LHFPL6: variants seen among roughly 807,000 people sequenced by gnomAD.
LHFPL6 encodes the protein LHFPL tetraspan subfamily member 6 protein.
A neutral mutation model predicts 20.6 loss-of-function variants in LHFPL6; 9 were observed. The ratio of observed to expected loss-of-function variants is 0.44; its 90% CI spans 0.26 to 0.76. The LOEUF is 0.76. LHFPL6 is among the 30% of genes least tolerant of loss of function. LHFPL6 has a pLI of 0.20. For synonymous variants in LHFPL6, 105 were observed against 98.7 expected (o/e 1.06, Z -0.38); for missense variants, 218 against 253.5 (o/e 0.86, Z 0.95).
chr13:39,533,695 T>A (rs576741311), intron 2 of LHFPL6, among the ~76,000 whole-genome samples: 1 of 152,292 alleles, frequency 6.6e-6, no homozygotes, highest in African/African-American at 2.4e-5. Flanking sequence ...CTAGTGTGCT[T>A]TCAGAAGGAC....
At chr13:39,479,195 CTA>C (rs760104243) in intron 2 of LHFPL6, among the ~76,000 whole-genome samples, 38 of 151,956 alleles carry the variant, frequency 2.5e-4, no homozygotes, top group Non-Finnish European at 3.8e-4. Context: ...AGCACTCTGA[CTA>C]ATACACTAGG....
At chr13:39,451,736 T>C (rs566576051) in intron 2 of LHFPL6, among the ~76,000 whole-genome samples, 21 of 152,340 alleles carry the variant, frequency 1.4e-4, no homozygotes, top group South Asian at 6.2e-4. Context: ...ATAAAGTAGG[T>C]TGAGCCAAAT....
intron 2 of LHFPL6, among the ~76,000 whole-genome samples, chr13:39,560,758 G>A (rs1317615819): frequency 2.6e-5 from 4 of 151,890 alleles, no homozygotes; most frequent in South Asian, 4.2e-4. Context: ...CTCATGATCC[G>A]CCCACCTCGG....
intron 2 of LHFPL6, among the ~76,000 whole-genome samples, chr13:39,517,261 A>G (rs1395163679): frequency 6.6e-6 from 1 of 152,228 alleles, no homozygotes; most frequent in Non-Finnish European, 1.5e-5. Context: ...TGAAGTACAA[A>G]GAGGATAAAT....
intron 2 of LHFPL6, among the ~76,000 whole-genome samples, chr13:39,406,558 A>G (rs1871115624): frequency 6.6e-6 from 1 of 152,210 alleles, no homozygotes; most frequent in East Asian, 1.9e-4. Context: ...GCAACAAATT[A>G]AAGTACAAAC....
At chr13:39,478,514 T>C (rs902344237) in intron 2 of LHFPL6, among the ~76,000 whole-genome samples, 1 of 152,142 alleles carries the variant, frequency 6.6e-6, no homozygotes, top group Non-Finnish European at 1.5e-5. Flanking sequence ...GATGGCTAAT[T>C]TTTTGTGTCA....
chr13:39,563,531 G>A (rs1475734501), intron 2 of LHFPL6, among the ~76,000 whole-genome samples: 1 of 152,088 alleles, frequency 6.6e-6, no homozygotes, highest in Non-Finnish European at 1.5e-5. Flanking sequence ...ATTCTTAGAG[G>A]GTAAAAGCTC....
chr13:39,415,722 T>C (rs1243081571), intron 2 of LHFPL6, among the ~76,000 whole-genome samples: 1 of 152,122 alleles, frequency 6.6e-6, no homozygotes, highest in Non-Finnish European at 1.5e-5. Flanking sequence ...GAAGGATTAA[T>C]AAATGCATAA....
At chr13:39,505,849 A>G (rs1869459067) in intron 2 of LHFPL6, among the ~76,000 whole-genome samples, 1 of 152,192 alleles carries the variant, frequency 6.6e-6, no homozygotes, top group Admixed American at 6.5e-5. Context: ...CATTTTCTAA[A>G]TGACATTTTG....
chr13:39,468,000 C>CA (rs1872846476), intron 2 of LHFPL6, among the ~76,000 whole-genome samples: 1 of 152,102 alleles, frequency 6.6e-6, no homozygotes, highest in Admixed American at 6.6e-5. Context: ...AGGGAAGCTT[C>CA]AAAAAACAGA....
At chr13:39,574,672 A>G (rs1872053971) in intron 2 of LHFPL6, among the ~76,000 whole-genome samples, 2 of 152,168 alleles carry the variant, frequency 1.3e-5, no homozygotes, top group South Asian at 4.1e-4. Flanking sequence ...ATGATGACAT[A>G]CTGAGATTTC....
intron 2 of LHFPL6, among the ~76,000 whole-genome samples, chr13:39,409,883 A>G (rs1871208766): frequency 6.6e-6 from 1 of 152,208 alleles, no homozygotes; most frequent in Non-Finnish European, 1.5e-5. Flanking sequence ...AAAAAGAATA[A>G]TTCAATAGCA....
Position 39,601,247 on chromosome 13 carries a change from A to G in LHFPL6, c.-31T>C, listed in dbSNP as rs376984179. 6.3e-7 allele frequency: 1 copy of G among 1,578,178 alleles called. No homozygotes were observed. The highest frequency in any genetic ancestry group is 1.3e-5 in the African/African-American group (1 of 74,144). On this transcript the variant is annotated 5_prime_UTR_variant, in exon 2 of 4. Transcript: ENST00000379589. ...ACCAGATAGGGCAATGAGGACCCCAAGTAAGTGTTCAGGGACTGCAGGAGT... is the reference window on the plus strand; with the variant it reads ...ACCAGATAGGGCAATGAGGACCCCAGGTAAGTGTTCAGGGACTGCAGGAGT...
chr13:39,518,348 A>T (rs1566131028), intron 2 of LHFPL6, among the ~76,000 whole-genome samples: 4 of 152,214 alleles, frequency 2.6e-5, no homozygotes, highest in Non-Finnish European at 4.4e-5. Flanking sequence ...GGAAAATATA[A>T]GAGGTCTGAG....
chr13:39,397,359 G>A (rs1870869826), intron 2 of LHFPL6, among the ~76,000 whole-genome samples: 1 of 152,130 alleles, frequency 6.6e-6, no homozygotes. Context: ...TGTCAAAGAA[G>A]GGAGGTCGAT....
At chr13:39,392,638 T>A (rs1244505740) in intron 2 of LHFPL6, among the ~76,000 whole-genome samples, 6 of 151,992 alleles carry the variant, frequency 3.9e-5, no homozygotes, top group Non-Finnish European at 7.4e-5. Flanking sequence ...AAATGCTGCA[T>A]TTCACATTAT....
Position 39,445,786 on chromosome 13 carries a change from A to G in LHFPL6, c.386-67260T>C, listed in dbSNP as rs139019414. On this transcript the variant is annotated intron_variant, in intron 2 of 3. Coordinates refer to ENST00000379589, the MANE Select transcript of LHFPL6 (RefSeq NM_005780.3). ...TCAGAGTCTTTCAAGTAGACATCCT[A>G]CCTTAGAGGACATCAAAGTTTGTTT... 1.0e-3 allele frequency among the ~76,000 whole-genome samples: 157 copies of G among 152,332 alleles called. No individual in the cohort carries two copies. In the Middle Eastern group the frequency reaches 0.014, roughly 13 times the overall value.
intron 2 of LHFPL6, among the ~76,000 whole-genome samples, chr13:39,388,168 T>A (rs770927954): frequency 5.9e-5 from 9 of 152,240 alleles, no homozygotes; most frequent in Non-Finnish European, 1.2e-4. Flanking sequence ...ATAAGGCTAT[T>A]TCTTGGCTGA....
chr13:39,521,574 T>C (rs1031668282), intron 2 of LHFPL6, among the ~76,000 whole-genome samples: 2 of 152,210 alleles, frequency 1.3e-5, no homozygotes, highest in African/African-American at 4.8e-5. Flanking sequence ...TGATAAGATA[T>C]CCAACGGGTT....
Sources: gnomAD v4.1 joint callset for allele counts (sites outside exome capture counted in the v4.1 genomes callset) on GRCh38, gnomAD v4.1.1 for gene constraint, MANE v1.5 for transcripts, NCBI Gene and HGNC (gene_info 2026-07-23, HGNC 2026-07-21) for gene names.